Variants in GRID1 observed in about 807,000 individuals in gnomAD.
The protein encoded by GRID1 is glutamate ionotropic receptor delta type subunit 1.
GRID1 carries 28 observed loss-of-function variants against 98.0 expected under a neutral mutation model. The ratio of observed to expected loss-of-function variants is 0.29; its 90% CI spans 0.21 to 0.39. The LOEUF is 0.39. GRID1 is among the 10% of genes least tolerant of loss of function. The probability of loss-of-function intolerance (pLI) is 1.00; values close to 1 mark genes in which losing one functional copy is unlikely to be tolerated. For synonymous variants in GRID1, 553 were observed against 538.5 expected, an observed-to-expected ratio of 1.03 and a Z score of -0.37; for missense variants, 1,111 against 1,340.5, an observed-to-expected ratio of 0.83 and a Z score of 2.67.
At chr10:85,885,922 G>A (rs1178670709) in intron 5 of GRID1, among the ~76,000 whole-genome samples, 3 of 152,212 alleles carry the variant, frequency 2.0e-5, no homozygotes, top group Non-Finnish European at 4.4e-5. Flanking sequence ...GCTGTCCCTG[G>A]GGGAAAAGAG....
intron 4 of GRID1, among the ~76,000 whole-genome samples, chr10:86,064,288 T>C (rs1429559855): frequency 6.6e-6 from 1 of 152,248 alleles, no homozygotes; most frequent in Non-Finnish European, 1.5e-5. Flanking sequence ...AGACCCAGCC[T>C]GAGTCTGTCT....
At chr10:86,025,731 C>T (rs546491504) in intron 4 of GRID1, among the ~76,000 whole-genome samples, 1 of 152,310 alleles carries the variant, frequency 6.6e-6, no homozygotes, top group East Asian at 1.9e-4. Flanking sequence ...TGTATACAAG[C>T]GGATATCATG....
At chr10:86,361,704 G>T (rs1008583491) in intron 2 of GRID1, among the ~76,000 whole-genome samples, 2 of 152,148 alleles carry the variant, frequency 1.3e-5, no homozygotes, top group East Asian at 3.8e-4. Context: ...TTATTAGTTG[G>T]CAATAGCTTT....
chr10:85,688,453 A>G (rs1841293630), intron 12 of GRID1, among the ~76,000 whole-genome samples: 1 of 152,182 alleles, frequency 6.6e-6, no homozygotes, highest in Admixed American at 6.5e-5. Flanking sequence ...GCCTCAAGTG[A>G]CCCACATGCC....
intron 4 of GRID1, among the ~76,000 whole-genome samples, chr10:86,070,450 A>G (rs1312474322): frequency 1.3e-5 from 2 of 152,174 alleles, no homozygotes; most frequent in African/African-American, 4.8e-5. Flanking sequence ...ATTATCTTAA[A>G]TGCTGCCCTG....
At chr10:86,220,591 C>T (rs959488171) in intron 2 of GRID1, among the ~76,000 whole-genome samples, 37 of 152,186 alleles carry the variant, frequency 2.4e-4, no homozygotes, top group African/African-American at 8.0e-4. Flanking sequence ...GATGGTCAGA[C>T]GCCTGGGCAT....
At chr10:85,908,309 T>A (rs1841490166) in intron 5 of GRID1, among the ~76,000 whole-genome samples, 1 of 152,190 alleles carries the variant, frequency 6.6e-6, no homozygotes, top group Non-Finnish European at 1.5e-5. Context: ...TATGAAAAAC[T>A]CCACTAGTTT....
intron 3 of GRID1, among the ~76,000 whole-genome samples, chr10:86,153,110 G>A (rs1589389609): frequency 6.6e-6 from 1 of 152,124 alleles, no homozygotes; most frequent in South Asian, 2.1e-4. Flanking sequence ...TGAGCTCCAG[G>A]GTGCCACAGA....
chr10:86,303,302 C>T (rs375690832), intron 2 of GRID1, among the ~76,000 whole-genome samples: 130 of 152,268 alleles, frequency 8.5e-4, no homozygotes, highest in African/African-American at 2.9e-3. Context: ...GTCCATTACA[C>T]TAGTCTATAC....
At chr10:86,074,122 C>T (rs1843843957) in intron 4 of GRID1, among the ~76,000 whole-genome samples, 1 of 152,084 alleles carries the variant, frequency 6.6e-6, no homozygotes, top group Admixed American at 6.5e-5. Flanking sequence ...CTTACGTGCG[C>T]AAATGTATGG....
chr10:86,127,903 G>A (rs1254210564), intron 4 of GRID1, among the ~76,000 whole-genome samples: 1 of 152,092 alleles, frequency 6.6e-6, no homozygotes. Context: ...ATGAAACTAC[G>A]ATTTGCAGAG....
At chr10:86,301,010 T>C (rs946306298) in intron 2 of GRID1, among the ~76,000 whole-genome samples, 3 of 152,220 alleles carry the variant, frequency 2.0e-5, no homozygotes, top group East Asian at 3.8e-4. Context: ...CTTGGAGAAG[T>C]TGCTGAACCC....
chr10:85,877,234 T>C (rs111461080), intron 5 of GRID1, among the ~76,000 whole-genome samples: 42,475 of 152,034 alleles, frequency 0.28, 6,299 homozygotes, highest in African/African-American at 0.39. Flanking sequence ...ATGTCCCTGT[T>C]TGACAGCTTT....
intron 8 of GRID1, among the ~76,000 whole-genome samples, chr10:85,767,862 C>G (rs1164580176): frequency 6.6e-6 from 1 of 152,182 alleles, no homozygotes; most frequent in Non-Finnish European, 1.5e-5. Flanking sequence ...GCTCTCTGCT[C>G]ACAAAAGGCT....
At chr10:86,119,493 C>T (rs975466855) in intron 4 of GRID1, among the ~76,000 whole-genome samples, 2 of 152,104 alleles carry the variant, frequency 1.3e-5, no homozygotes, top group Non-Finnish European at 2.9e-5. Context: ...TGAGAACTCT[C>T]TATAGTATCT....
chr10:85,973,969 A>T (rs991396026), intron 4 of GRID1, among the ~76,000 whole-genome samples: 3 of 152,222 alleles, frequency 2.0e-5, no homozygotes, highest in African/African-American at 4.8e-5. Context: ...ATAAGAGTGT[A>T]TGTCTCATAT....
At chr10:86,075,592 C>T (rs186467158) in intron 4 of GRID1, among the ~76,000 whole-genome samples, 109 of 152,286 alleles carry the variant, frequency 7.2e-4, no homozygotes, top group African/African-American at 2.5e-3. Context: ...GTTACAGCTG[C>T]CCTAGCAAAC....
chr10:85,973,771 G>A (rs183739367), intron 4 of GRID1, among the ~76,000 whole-genome samples: 5 of 152,186 alleles, frequency 3.3e-5, no homozygotes, highest in Non-Finnish European at 5.9e-5. Flanking sequence ...ACTACAGCAG[G>A]GAATATATTA....
At chr10:86,011,903 A>T (rs1292300907) in intron 4 of GRID1, among the ~76,000 whole-genome samples, 1 of 152,218 alleles carries the variant, frequency 6.6e-6, no homozygotes. Context: ...TACGCCTATA[A>T]TCACAGCACT....
Sources: allele counts gnomAD v4.1 joint callset (sites outside exome capture counted in the v4.1 genomes callset), GRCh38; gene constraint gnomAD v4.1.1; transcripts MANE v1.5; gene names NCBI Gene and HGNC (gene_info 2026-07-23, HGNC 2026-07-21).